PMFBP1: variants seen among roughly 807,000 people sequenced by gnomAD.
PMFBP1 encodes polyamine modulated factor 1 binding protein 1, also known as polyamine-modulated factor 1-binding protein 1.
Under a neutral mutation model 137.8 loss-of-function variants are expected in PMFBP1, and 131 were observed. The observed-to-expected ratio is 0.95, with a 90% CI of 0.82 to 1.10. The LOEUF is 1.10. PMFBP1 is among the 50% of genes least tolerant of loss of function. The pLI is 0.00. For synonymous variants in PMFBP1, 490 were observed against 450.4 expected, an observed-to-expected ratio of 1.09 and a Z score of -1.11; for missense variants, 1,199 against 1,175.4, an observed-to-expected ratio of 1.02 and a Z score of -0.29.
At chr16:72,152,108 G>C (rs954615162) in intron 4 of PMFBP1, among the ~76,000 whole-genome samples, 1 of 152,184 alleles carries the variant, frequency 6.6e-6, no homozygotes, top group East Asian at 1.9e-4. Flanking sequence ...GTGCATGCAG[G>C]AATCACCTCC....
chr16:72,133,099 G>T, intron 9 of PMFBP1, 108 bp from the exon 10 acceptor site: 2 of 1,354,160 alleles, frequency 1.5e-6, no homozygotes, highest in Non-Finnish European at 2.0e-6. Flanking sequence ...CCCCTGCCTG[G>T]ACATTGCACG....
chr16:72,125,072 C>T, intron 16 of PMFBP1, 138 bp from the exon 17 acceptor site: 1 of 1,374,286 alleles, frequency 7.3e-7, no homozygotes, highest in Non-Finnish European at 9.9e-7. Flanking sequence ...CAGAGGGCAC[C>T]CATGCTCCGA....
At chr16:72,188,337 C>T in the PMFBP1 span, among the ~76,000 whole-genome samples, 6 of 152,188 alleles carry the variant, frequency 3.9e-5, no homozygotes, top group African/African-American at 9.7e-5. Context: ...GTATTCTAAT[C>T]GTAGACAGCA....
At chr16:72,144,491 G>A (rs2042774543) in intron 5 of PMFBP1, among the ~76,000 whole-genome samples, 1 of 152,148 alleles carries the variant, frequency 6.6e-6, no homozygotes, top group Non-Finnish European at 1.5e-5. Context: ...ATCGGTCTGT[G>A]AGCTGGTACC....
Position 72,165,068 on chromosome 16 carries a change from A to G in PMFBP1, c.13-152T>C, listed in dbSNP as rs1337450006. ...TACTCATCCTGTGTAACATTTACACAGTTTCCAATTGCCAGGTGTCTGACC... is the reference window on the plus strand; with the variant it reads ...TACTCATCCTGTGTAACATTTACACGGTTTCCAATTGCCAGGTGTCTGACC... On this transcript the variant is annotated intron_variant, in intron 2 of 20. Coordinates refer to ENST00000237353, the MANE Select transcript of PMFBP1 (RefSeq NM_031293.3). 5.3e-6 allele frequency: 4 copies of G among 759,328 alleles called. No individual in the cohort carries two copies. The African/African-American group carries it at 7.0e-5, about 13-fold the overall frequency. The allele number at this position is 759,328 out of a possible 1,614,324, so 47.0% of individuals were successfully genotyped here. A position where few individuals can be genotyped will look rare whatever the true frequency, so the allele number is the denominator to read the frequency against.
At chr16:72,213,007 G>A in the PMFBP1 span, among the ~76,000 whole-genome samples, 4 of 152,154 alleles carry the variant, frequency 2.6e-5, no homozygotes, top group African/African-American at 7.2e-5. Flanking sequence ...TTTCAGACTC[G>A]AAAAGACTTA....
chr16:72,242,825 T>C, the PMFBP1 span, among the ~76,000 whole-genome samples: 9 of 152,174 alleles, frequency 5.9e-5, no homozygotes, highest in Non-Finnish European at 1.0e-4. Context: ...TAAGAATCTT[T>C]GAAAAGAGAG....
intron 19 of PMFBP1, among the ~76,000 whole-genome samples, chr16:72,120,509 C>A (rs1386548885): frequency 6.6e-6 from 1 of 152,216 alleles, no homozygotes; most frequent in Non-Finnish European, 1.5e-5. Flanking sequence ...AACACTCTCA[C>A]CCAGCACCAA....
In PMFBP1 at chr16:72,125,324, C is replaced by A; in HGVS notation, c.2335G>T (p.Glu779Ter). 6.2e-7 allele frequency: 1 copy of A among 1,614,180 alleles called. No individual in the cohort carries two copies. The highest frequency in any genetic ancestry group is 8.5e-7 in the Non-Finnish European group (1 of 1,180,034). ...TQEKKAQLEE[E>*]IIAYEERMKK... is the part of the protein sequence containing the mutation. ...ATCCTTTCCTCATAAGCAATGATTT[C>A]CTCTTCCAGCTGAGCTTTCTTCTCT... Residue 779 changes from glutamate (E) to a stop codon, truncating the protein, a stop_gained, in exon 16 of 21, where the codon GAA becomes TAA. Coordinates refer to ENST00000237353, the MANE Select transcript of PMFBP1 (RefSeq NM_031293.3). LOFTEE classifies it high-confidence loss of function.
intron 5 of PMFBP1, among the ~76,000 whole-genome samples, chr16:72,146,057 C>T (rs2042800981): frequency 6.6e-6 from 1 of 152,128 alleles, no homozygotes; most frequent in Non-Finnish European, 1.5e-5. Flanking sequence ...GATACCAAAA[C>T]AGAGACACAA....
the PMFBP1 span, among the ~76,000 whole-genome samples, chr16:72,228,414 C>G: frequency 6.6e-6 from 1 of 152,174 alleles, no homozygotes; most frequent in Non-Finnish European, 1.5e-5. Context: ...CTTCCCAAGG[C>G]TAACACCTAC....
At position 72,119,996 on chromosome 16, in the gene PMFBP1, C is replaced by A. The variant is rs757182160; in HGVS notation, c.2862G>T (p.Arg954Ser). Residue 954 changes from arginine (R) to serine (S), a missense_variant, in exon 20 of 21, where the codon AGG (arginine) becomes AGT (serine). Transcript: ENST00000237353. ...EEKKMKAENT[R>S]LCTKALGPSR... ...TCGGGCCTAGGGCTTTGGTGCATAG[C>A]CTTGTGTTCTCGGCTTTCATCTTCT... 5 of 1,614,144 alleles carry A rather than the reference C, an allele frequency of 3.1e-6. No homozygotes were observed. The East Asian group carries it at 1.1e-4, about 36-fold the overall frequency.
the PMFBP1 span, among the ~76,000 whole-genome samples, chr16:72,209,775 T>C: frequency 2.6e-5 from 4 of 152,128 alleles, no homozygotes. Context: ...ACGAGACCCA[T>C]ACACGAGAAG....
rs906220642 is a variant in PMFBP1, at chr16:72,155,630, G to A, written c.166-1171C>T. ...CCCGAGGGGTTGAGCTTGTGGCCTTGGCCTCATTAACAGAGTACTTCTAAT... is the reference window on the plus strand; with the variant it reads ...CCCGAGGGGTTGAGCTTGTGGCCTTAGCCTCATTAACAGAGTACTTCTAAT... On this transcript the variant is annotated intron_variant, in intron 3 of 20. Transcript: ENST00000237353. Among the ~76,000 whole-genome samples, 16 of 152,232 alleles carry A rather than the reference G, an allele frequency of 1.1e-4. No homozygotes were observed. In the Middle Eastern group the frequency reaches 0.014, roughly 129 times the overall value.
chr16:72,191,921 A>G, the PMFBP1 span, among the ~76,000 whole-genome samples: 1 of 152,226 alleles, frequency 6.6e-6, no homozygotes, highest in South Asian at 2.1e-4. Context: ...CTGAGTGTGC[A>G]ATGCATAATC....
chr16:72,192,670 G>C, the PMFBP1 span, among the ~76,000 whole-genome samples: 1 of 151,956 alleles, frequency 6.6e-6, no homozygotes, highest in Non-Finnish European at 1.5e-5. Flanking sequence ...GGCAGATCAG[G>C]AGATCAAGAC....
At chr16:72,136,302 G>T in intron 9 of PMFBP1, 146 bp downstream of exon 9, 2 of 875,142 alleles carry the variant, frequency 2.3e-6, no homozygotes, top group African/African-American at 1.7e-5. Context: ...TTAGAATTGA[G>T]CCTGGGCCTG....
chr16:72,125,446 T>G, intron 15 of PMFBP1, 41 bp from the exon 16 acceptor site: 1 of 1,594,892 alleles, frequency 6.3e-7, no homozygotes, highest in South Asian at 1.1e-5. Context: ...TGTCAGAGAC[T>G]TTGACCCTCT....
the PMFBP1 span, among the ~76,000 whole-genome samples, chr16:72,240,610 T>A: frequency 9.8e-4 from 149 of 152,364 alleles, no homozygotes; most frequent in African/African-American, 3.5e-3. Context: ...TTGTGACATC[T>A]GTGCTTGAAT....
Sources: allele counts gnomAD v4.1 joint callset (sites outside exome capture counted in the v4.1 genomes callset), GRCh38; gene constraint gnomAD v4.1.1; transcripts MANE v1.5; gene names NCBI Gene and HGNC (gene_info 2026-07-23, HGNC 2026-07-21).